The following STAG1 variants were observed in gnomAD, a reference collection of about 807,000 sequenced individuals.
STAG1 encodes the protein cohesin subunit SA-1.
A neutral mutation model predicts 170.9 loss-of-function variants in STAG1; 26 were observed. The observed-to-expected ratio is 0.15, with a 90% CI of 0.11 to 0.21. The LOEUF is 0.21. Ranked by LOEUF, STAG1 falls within the 10% of genes least tolerant of loss-of-function variation. The pLI is 1.00. For synonymous variants in STAG1, 514 were observed against 497.7 expected (o/e 1.03, Z -0.44); for missense variants, 964 against 1,509.5 (o/e 0.64, Z 5.99).
intron 1 of STAG1, among the ~76,000 whole-genome samples, chr3:136,636,654 A>G (rs953135205): frequency 6.6e-6 from 1 of 152,252 alleles, no homozygotes; most frequent in African/African-American, 2.4e-5. Flanking sequence ...ACAATAGTTA[A>G]GTTCCTACAG....
At chr3:136,380,318 T>G (rs1269580441) in intron 22 of STAG1, among the ~76,000 whole-genome samples, 1 of 152,062 alleles carries the variant, frequency 6.6e-6, no homozygotes, top group Non-Finnish European at 1.5e-5. Context: ...CTTGGCCCAC[T>G]GCAGCCTCTG....
intron 1 of STAG1, among the ~76,000 whole-genome samples, chr3:136,729,415 A>C (rs1933873180): frequency 1.3e-5 from 2 of 152,132 alleles, no homozygotes; most frequent in African/African-American, 4.8e-5. Context: ...AATTAATTAT[A>C]TTCAAATACA....
At chr3:136,492,202 T>A (rs1035431664) in intron 9 of STAG1, among the ~76,000 whole-genome samples, 4 of 152,198 alleles carry the variant, frequency 2.6e-5, no homozygotes, top group African/African-American at 9.6e-5. Context: ...GCTGATCACT[T>A]TTGCCAAGTA....
chr3:136,420,004 T>C (rs549072470), intron 20 of STAG1, among the ~76,000 whole-genome samples: 6 of 151,966 alleles, frequency 3.9e-5, no homozygotes, highest in South Asian at 4.2e-4. Context: ...TCCCAGCACT[T>C]TGGGAGGCCG....
At chr3:136,518,249 T>C in intron 7 of STAG1, 2 of 582,284 alleles carry the variant, frequency 3.4e-6, no homozygotes, top group Non-Finnish European at 3.1e-6. Context: ...ATAACTAACC[T>C]GATTGTCTCT....
At chr3:136,746,871 C>CG (rs984260463) in intron 1 of STAG1, among the ~76,000 whole-genome samples, 2 of 151,924 alleles carry the variant, frequency 1.3e-5, no homozygotes, top group African/African-American at 2.4e-5. Context: ...CCGAGGCAGG[C>CG]GGATCACCTG....
intron 13 of STAG1, among the ~76,000 whole-genome samples, chr3:136,462,698 C>T (rs919941384): frequency 6.6e-6 from 1 of 152,058 alleles, no homozygotes; most frequent in African/African-American, 2.4e-5. Context: ...AGAAATAATA[C>T]ATATTTGAGG....
At chr3:136,701,006 C>T (rs987415735) in intron 1 of STAG1, among the ~76,000 whole-genome samples, 54 of 151,136 alleles carry the variant, frequency 3.6e-4, no homozygotes, top group East Asian at 2.0e-4. Flanking sequence ...CTCAGCCTCC[C>T]GAGTAGCTGG....
intron 3 of STAG1, chr3:136,609,077 G>T (rs1939121738): frequency 6.6e-6 from 1 of 152,444 alleles, no homozygotes; most frequent in Admixed American, 6.6e-5. Context: ...CAGCTAAACA[G>T]AGGTGGAAGT....
chr3:136,674,774 A>G (rs1469767943), intron 1 of STAG1, among the ~76,000 whole-genome samples: 1 of 152,200 alleles, frequency 6.6e-6, no homozygotes, highest in East Asian at 1.9e-4. Flanking sequence ...CTGCATGTCA[A>G]TTCTAACTCA....
chr3:136,376,013 T>TAAAATAAAATAAAATAA (rs1163167497), intron 23 of STAG1, among the ~76,000 whole-genome samples: 3 of 15,714 alleles, frequency 1.9e-4, no homozygotes, highest in Admixed American at 1.4e-3. Context: ...AATAAATAAT[T>TAAAATAAAATAAAATAA]AACAAAATAA....
chr3:136,461,879 G>A lies in STAG1; in HGVS notation c.1313+3002C>T, dbSNP rs373223660. On this transcript the variant is annotated intron_variant, in intron 13 of 33. Coordinates refer to ENST00000383202, the MANE Select transcript of STAG1 (RefSeq NM_005862.3). ...AACGAAAACAATCCAATTTACAAAT[G>A]GGCAAATGATCTGAACGGACATTTC... 2.6e-5 allele frequency among the ~76,000 whole-genome samples: 4 copies of A among 152,062 alleles called. No homozygotes were observed. In the East Asian group the frequency reaches 5.8e-4, roughly 22 times the overall value.
At chr3:136,400,377 G>A (rs1040339586) in intron 21 of STAG1, among the ~76,000 whole-genome samples, 1 of 151,518 alleles carries the variant, frequency 6.6e-6, no homozygotes, top group Admixed American at 6.6e-5. Context: ...ACAGGCACAC[G>A]CCTGACTAAT....
chr3:136,546,393 T>C (rs574617229), intron 5 of STAG1, among the ~76,000 whole-genome samples: 2 of 152,096 alleles, frequency 1.3e-5, no homozygotes, highest in African/African-American at 4.8e-5. Flanking sequence ...TGTATTTTTG[T>C]AGAGAAAGTC....
At chr3:136,375,969 A>AAAATAAATAAATAAATAAAT (rs3072456) in intron 23 of STAG1, among the ~76,000 whole-genome samples, 32 of 124,708 alleles carry the variant, frequency 2.6e-4, no homozygotes, top group African/African-American at 9.3e-4. Flanking sequence ...ACTCCGTCTC[A>AAAATAAATAAATAAATAAAT]AAATAAATAA....
At chr3:136,664,646 A>G (rs2074452041) in intron 1 of STAG1, among the ~76,000 whole-genome samples, 1 of 152,178 alleles carries the variant, frequency 6.6e-6, no homozygotes, top group South Asian at 2.1e-4. Flanking sequence ...TATTGTATGT[A>G]TATCTGTGCT....
chr3:136,595,909 C>A (rs1026229083), intron 4 of STAG1, among the ~76,000 whole-genome samples: 2 of 152,092 alleles, frequency 1.3e-5, no homozygotes, highest in East Asian at 3.9e-4. Flanking sequence ...AAAAAGTATT[C>A]AATGGTCAGA....
chr3:136,616,974 T>A (rs1939629433), intron 3 of STAG1, among the ~76,000 whole-genome samples: 1 of 152,184 alleles, frequency 6.6e-6, no homozygotes, highest in South Asian at 2.1e-4. Flanking sequence ...TATTTTGCTG[T>A]GTGAAAGGCA....
chr3:136,629,303 A>G (rs1363078043), intron 2 of STAG1, among the ~76,000 whole-genome samples: 5 of 152,150 alleles, frequency 3.3e-5, no homozygotes, highest in Non-Finnish European at 7.3e-5. Flanking sequence ...AAAACAAGAG[A>G]CAATTATAAA....
Sources: allele counts gnomAD v4.1 joint callset (sites outside exome capture counted in the v4.1 genomes callset), GRCh38; gene constraint gnomAD v4.1.1; transcripts MANE v1.5; gene names NCBI Gene and HGNC (gene_info 2026-07-23, HGNC 2026-07-21).